Variants in RPS6KC1 observed in about 807,000 individuals in gnomAD.
RPS6KC1 encodes the protein ribosomal protein S6 kinase C1.
Under a neutral mutation model 103.8 loss-of-function variants are expected in RPS6KC1, and 54 were observed. The observed-to-expected ratio is 0.52, with a 90% CI of 0.42 to 0.65. The LOEUF is 0.65. Among genes scored for constraint, RPS6KC1 ranks in the 30% least tolerant of loss-of-function variants. The pLI is 0.00. For synonymous variants in RPS6KC1, 439 were observed against 438.7 expected, an observed-to-expected ratio of 1.00 and a Z score of -0.01; for missense variants, 1,151 against 1,253.8, an observed-to-expected ratio of 0.92 and a Z score of 1.24.
chr1:213,480,922 G>T, the RPS6KC1 span, among the ~76,000 whole-genome samples: 2 of 152,046 alleles, frequency 1.3e-5, no homozygotes, highest in African/African-American at 4.8e-5. Context: ...TATTCATATG[G>T]GGTATTATAT....
In RPS6KC1 at chr1:213,272,739, T is replaced by G; in HGVS notation, c.*105T>G. 1 of 780,798 alleles carries G rather than the reference T, an allele frequency of 1.3e-6. No individual in the cohort carries two copies. Among genetic ancestry groups the G allele is most frequent in the Middle Eastern group, 3.1e-4 (1 of 3,278 alleles). 48.4% of individuals were successfully genotyped at this position (780,798 alleles called of 1,614,324 possible). On this transcript the variant is annotated 3_prime_UTR_variant, in exon 15 of 15. Coordinates refer to ENST00000366960, the MANE Select transcript of RPS6KC1 (RefSeq NM_012424.6). ...AGTTACTTATGGAGCACCAAAGCAT[T>G]TGGATAAAGACCGTTATAGGAAATG...
At chr1:213,728,937 G>GTTTTTTTTTTTTTTTTTTTTTTTTTTTTT in the RPS6KC1 span, among the ~76,000 whole-genome samples, 4 of 93,436 alleles carry the variant, frequency 4.3e-5, 1 homozygote, top group African/African-American at 1.4e-4. Flanking sequence ...GAACATGAGG[G>GTTTTTTTTTTTTTTTTTTTTTTTTTTTTT]TTTTTTTTTT....
chr1:213,584,540 C>T, the RPS6KC1 span, among the ~76,000 whole-genome samples: 2 of 152,216 alleles, frequency 1.3e-5, no homozygotes, highest in African/African-American at 2.4e-5. Flanking sequence ...AAAATGACAC[C>T]GAATGGTAGA....
At chr1:213,431,588 C>T in the RPS6KC1 span, among the ~76,000 whole-genome samples, 723 of 151,230 alleles carry the variant, frequency 4.8e-3, 12 homozygotes, top group African/African-American at 0.017. Flanking sequence ...AGATTCATTC[C>T]GTTTTTAGCG....
the RPS6KC1 span, among the ~76,000 whole-genome samples, chr1:213,667,870 C>T: frequency 2.6e-5 from 4 of 152,188 alleles, no homozygotes; most frequent in Non-Finnish European, 5.9e-5. Flanking sequence ...TCTCAAGAAA[C>T]CACGTTCTTT....
chr1:213,438,213 T>C, the RPS6KC1 span, among the ~76,000 whole-genome samples: 1 of 152,194 alleles, frequency 6.6e-6, no homozygotes, highest in South Asian at 2.1e-4. Flanking sequence ...ACATTAATTA[T>C]AATAGTTTCT....
intron 3 of RPS6KC1, among the ~76,000 whole-genome samples, chr1:213,080,983 A>T (rs2079822968): frequency 6.6e-6 from 1 of 152,250 alleles, no homozygotes. Flanking sequence ...CATAAGAAAA[A>T]TGTGTAAGTG....
intron 2 of RPS6KC1, chr1:213,073,126 A>G (rs2079025367): frequency 6.5e-6 from 1 of 153,698 alleles, no homozygotes; most frequent in Non-Finnish European, 1.4e-5. Flanking sequence ...TTTCCCACTT[A>G]GTGTATTTAA....
At chr1:213,726,773 A>G in the RPS6KC1 span, among the ~76,000 whole-genome samples, 1 of 152,202 alleles carries the variant, frequency 6.6e-6, no homozygotes, top group Admixed American at 6.5e-5. Context: ...CTTATGTCTT[A>G]TATGAAACAT....
intron 8 of RPS6KC1, among the ~76,000 whole-genome samples, chr1:213,216,160 T>C (rs1326209087): frequency 6.6e-6 from 1 of 151,626 alleles, no homozygotes; most frequent in African/African-American, 2.4e-5. Flanking sequence ...ACACATAGGC[T>C]CAAAATAAAG....
chr1:213,482,695 T>A, the RPS6KC1 span, among the ~76,000 whole-genome samples: 1 of 151,752 alleles, frequency 6.6e-6, no homozygotes, highest in South Asian at 2.1e-4. Context: ...ACTACAGGCA[T>A]GCACCACCAC....
intron 12 of RPS6KC1, among the ~76,000 whole-genome samples, chr1:213,253,153 G>A (rs750194254): frequency 6.6e-6 from 1 of 152,106 alleles, no homozygotes; most frequent in Non-Finnish European, 1.5e-5. Flanking sequence ...GTATCTTGGG[G>A]AGAGAAGATA....
At chr1:213,304,282 A>T in the RPS6KC1 span, among the ~76,000 whole-genome samples, 4 of 152,030 alleles carry the variant, frequency 2.6e-5, no homozygotes, top group East Asian at 7.7e-4. Flanking sequence ...ACTCTGGGAT[A>T]ATTAAGATCA....
At chr1:213,377,714 C>T in the RPS6KC1 span, among the ~76,000 whole-genome samples, 2 of 152,098 alleles carry the variant, frequency 1.3e-5, no homozygotes, top group African/African-American at 4.8e-5. Context: ...TCATTCAATA[C>T]GACAAGGCTA....
chr1:213,668,567 AC>A, the RPS6KC1 span, among the ~76,000 whole-genome samples: 2 of 152,024 alleles, frequency 1.3e-5, no homozygotes, highest in African/African-American at 4.8e-5. Context: ...GATTTTCAGA[AC>A]GATCAGTGAG....
At chr1:213,103,700 T>G (rs1473245015) in intron 3 of RPS6KC1, among the ~76,000 whole-genome samples, 1 of 152,204 alleles carries the variant, frequency 6.6e-6, no homozygotes, top group African/African-American at 2.4e-5. Context: ...TGATGCTACT[T>G]TTCTGATTTT....
chr1:213,223,088 TG>T (rs572908646), intron 8 of RPS6KC1, among the ~76,000 whole-genome samples: 3 of 152,244 alleles, frequency 2.0e-5, no homozygotes, highest in Non-Finnish European at 4.4e-5. Context: ...ATTATTTATA[TG>T]TGAATTACGG....
the RPS6KC1 span, among the ~76,000 whole-genome samples, chr1:213,445,373 G>A: frequency 6.6e-6 from 1 of 152,142 alleles, no homozygotes; most frequent in Non-Finnish European, 1.5e-5. Flanking sequence ...GGGTTGTATG[G>A]TGACTTTATT....
chr1:213,062,832 C>T (rs1344765331), intron 1 of RPS6KC1, among the ~76,000 whole-genome samples: 4 of 152,036 alleles, frequency 2.6e-5, no homozygotes, highest in African/African-American at 7.2e-5. Flanking sequence ...GGATTACAGG[C>T]GTGAGCCATC....
Sources: gnomAD v4.1 joint callset for allele counts (sites outside exome capture counted in the v4.1 genomes callset) on GRCh38, gnomAD v4.1.1 for gene constraint, MANE v1.5 for transcripts, NCBI Gene and HGNC (gene_info 2026-07-23, HGNC 2026-07-21) for gene names.